The following RELN variants were observed in gnomAD, a reference collection of about 807,000 sequenced individuals.
The protein encoded by RELN is reelin.
Under a neutral mutation model 427.6 loss-of-function variants are expected in RELN, and 108 were observed. The ratio of observed to expected loss-of-function variants is 0.25; its 90% CI spans 0.22 to 0.30. The LOEUF (loss-of-function observed/expected upper bound fraction) is 0.30, where lower values mean the gene tolerates loss of function less well. Ranked by LOEUF, RELN falls within the 10% of genes least tolerant of loss-of-function variation. The pLI is 1.00. For missense variants in RELN, 3,715 were observed against 4,302.8 expected, an observed-to-expected ratio of 0.86 and a Z score of 3.82; for synonymous variants, 1,524 against 1,513.4, an observed-to-expected ratio of 1.01 and a Z score of -0.16.
At chr7:103,711,298 C>T (rs1303957336) in intron 8 of RELN, among the ~76,000 whole-genome samples, 1 of 151,930 alleles carries the variant, frequency 6.6e-6, no homozygotes, top group Non-Finnish European at 1.5e-5. Context: ...AGAGAGAGAC[C>T]CTAACCCTCA....
At chr7:103,679,717 A>G (rs3757737) in intron 11 of RELN, among the ~76,000 whole-genome samples, 10,785 of 150,260 alleles carry the variant, frequency 0.072, 518 homozygotes, top group East Asian at 0.17. Context: ...TGTTTGGGGG[A>G]AATGATCGAT....
intron 46 of RELN, among the ~76,000 whole-genome samples, chr7:103,532,493 C>T (rs1382230895): frequency 1.3e-5 from 2 of 152,096 alleles, no homozygotes; most frequent in Non-Finnish European, 1.5e-5. Context: ...TTTCTGAATG[C>T]AAATCTGTTC....
intron 36 of RELN, among the ~76,000 whole-genome samples, chr7:103,560,296 A>G (rs1464955457): frequency 8.0e-4 from 122 of 152,324 alleles, no homozygotes; most frequent in South Asian, 4.1e-4. Flanking sequence ...CTTTTTCACG[A>G]AAGAATGACT....
chr7:103,836,268 A>G (rs1584281734), intron 2 of RELN, among the ~76,000 whole-genome samples: 1 of 152,118 alleles, frequency 6.6e-6, no homozygotes, highest in South Asian at 2.1e-4. Context: ...CCTACCTCAT[A>G]TTGTTTGTAG....
chr7:103,815,715 C>T (rs938498254), intron 3 of RELN, among the ~76,000 whole-genome samples: 1 of 151,948 alleles, frequency 6.6e-6, no homozygotes. Context: ...GTCTATCCCC[C>T]AAAGACTTTC....
In RELN at chr7:103,811,494, C is replaced by T. The variant is rs190830186; in HGVS notation, c.473+22043G>A. On this transcript the variant is annotated intron_variant, in intron 3 of 64. Transcript: ENST00000428762. ...AAAAACTACAGTTGCAGAGCCGTGT[C>T]GCTGTGAATTCATTTAATGATATTG... 2.2e-3 allele frequency among the ~76,000 whole-genome samples: 334 copies of T among 152,074 alleles called. 2 individuals carry two copies. Among genetic ancestry groups the T allele is most frequent in the Middle Eastern group, 0.02 (6 of 294 alleles).
chr7:103,571,178 T>C (rs1830874173), intron 31 of RELN, among the ~76,000 whole-genome samples: 1 of 152,202 alleles, frequency 6.6e-6, no homozygotes, highest in South Asian at 2.1e-4. Context: ...ATAGGTATTG[T>C]TTAAGCCAAT....
intron 1 of RELN, among the ~76,000 whole-genome samples, chr7:103,950,393 A>G (rs947148902): frequency 1.3e-5 from 2 of 152,260 alleles, no homozygotes; most frequent in African/African-American, 2.4e-5. Context: ...TAAAATTTCA[A>G]GAAATGTATA....
chr7:103,658,968 T>G (rs1289432351), intron 12 of RELN, among the ~76,000 whole-genome samples: 1 of 151,884 alleles, frequency 6.6e-6, no homozygotes, highest in African/African-American at 2.4e-5. Context: ...TCCCCTCTAC[T>G]TATACCTAGA....
intron 50 of RELN, among the ~76,000 whole-genome samples, chr7:103,511,663 A>G (rs1829420847): frequency 2.0e-5 from 3 of 151,966 alleles, no homozygotes. Flanking sequence ...GGATCGCTTG[A>G]GGCCAGCCTG....
chr7:103,871,084 T>C (rs536316169), intron 2 of RELN, among the ~76,000 whole-genome samples: 3 of 152,158 alleles, frequency 2.0e-5, no homozygotes, highest in African/African-American at 7.2e-5. Context: ...AAAAACCCAA[T>C]CTATTTGGTC....
intron 3 of RELN, among the ~76,000 whole-genome samples, chr7:103,820,839 A>C (rs1192822719): frequency 6.6e-6 from 1 of 152,034 alleles, no homozygotes; most frequent in East Asian, 1.9e-4. Context: ...ATATTATAGC[A>C]AGTAACTGAT....
At chr7:103,675,470 A>C (rs575862189) in intron 11 of RELN, among the ~76,000 whole-genome samples, 8 of 152,352 alleles carry the variant, frequency 5.3e-5, no homozygotes, top group Admixed American at 1.3e-4. Flanking sequence ...GCCCAAGGTA[A>C]TTTATAGATT....
chr7:103,487,569 G>T (rs772907583), intron 60 of RELN, among the ~76,000 whole-genome samples: 7 of 151,764 alleles, frequency 4.6e-5, no homozygotes, highest in Admixed American at 1.3e-4. Context: ...TTTTCTTTGA[G>T]TCAATGTTTA....
At chr7:103,826,907 C>A (rs1023773413) in intron 3 of RELN, among the ~76,000 whole-genome samples, 1 of 151,864 alleles carries the variant, frequency 6.6e-6, no homozygotes, top group Admixed American at 6.6e-5. Context: ...CTTGTGGATA[C>A]CAAGTTCAGT....
chr7:103,646,087 A>G (rs944550985), intron 16 of RELN, among the ~76,000 whole-genome samples: 61 of 151,970 alleles, frequency 4.0e-4, no homozygotes, highest in African/African-American at 1.4e-3. Flanking sequence ...GAAATGAGTG[A>G]AAATAGAGAC....
At chr7:103,547,210 T>C (rs1239505327) in intron 41 of RELN, among the ~76,000 whole-genome samples, 2 of 152,334 alleles carry the variant, frequency 1.3e-5, no homozygotes, top group African/African-American at 4.8e-5. Context: ...AATACCAGGA[T>C]TAAGGATGGG....
chr7:103,920,567 G>GTTTTTTTTTTTTTTT (rs530809994), intron 1 of RELN, among the ~76,000 whole-genome samples: 1 of 134,276 alleles, frequency 7.4e-6, no homozygotes, highest in Admixed American at 7.7e-5. Context: ...CCAGTCTTTG[G>GTTTTTTTTTTTTTTT]TTTTTTTTTT....
chr7:103,884,095 T>C (rs992977684), intron 2 of RELN, among the ~76,000 whole-genome samples: 4 of 151,996 alleles, frequency 2.6e-5, no homozygotes, highest in African/African-American at 7.2e-5. Context: ...TACAGACCAA[T>C]GGAACTTAAC....
Sources: allele counts gnomAD v4.1 joint callset (sites outside exome capture counted in the v4.1 genomes callset), GRCh38; gene constraint gnomAD v4.1.1; transcripts MANE v1.5; gene names NCBI Gene and HGNC (gene_info 2026-07-23, HGNC 2026-07-21).